Variants in LIAS observed in about 807,000 individuals in gnomAD.
LIAS encodes the protein lipoyl synthase, mitochondrial.
LIAS carries 36 observed loss-of-function variants against 49.4 expected under a neutral mutation model. The observed-to-expected ratio is 0.73, with a 90% confidence interval of 0.56 to 0.96. The LOEUF is 0.96. Ranked by LOEUF, LIAS falls within the 40% of genes least tolerant of loss-of-function variation. LIAS has a pLI of 0.00. For synonymous variants in LIAS, 145 were observed against 155.8 expected (o/e 0.93, Z 0.52); for missense variants, 399 against 456.3 (o/e 0.87, Z 1.14).
intron 10 of LIAS, 163 bp downstream of exon 10, chr4:39,473,374 G>T: frequency 2.2e-6 from 1 of 464,666 alleles, no homozygotes; most frequent in Non-Finnish European, 3.8e-6. Flanking sequence ...TGCTCCATGG[G>T]GATCATATTA....
intron 10 of LIAS, 91 bp from the exon 11 acceptor site, chr4:39,476,972 G>T (rs796932705): frequency 1.1e-5 from 9 of 840,548 alleles, no homozygotes; most frequent in African/African-American, 1.1e-4. Flanking sequence ...CTTCTTTAAA[G>T]GGGGAACACC....
rs1436249668 is a variant in LIAS, at chr4:39,477,942, A to G, written c.*827A>G. On this transcript the variant is annotated 3_prime_UTR_variant, in exon 11 of 11. Coordinates refer to ENST00000640888, the MANE Select transcript of LIAS (RefSeq NM_006859.4). ...AGCTGAGGTGGTGCCACTGCTCTCC[A>G]GCCTGGGCGCTACAACTGCTCTCCA... 6.6e-6 allele frequency: 1 copy of G among 152,182 alleles called. No individual in the cohort carries two copies. The highest frequency in any genetic ancestry group is 6.5e-5 in the Admixed American group (1 of 15,268). The allele number at this position is 152,182 out of a possible 1,614,324, so 9.4% of individuals were successfully genotyped here.
intron 7 of LIAS, 52 bp from the exon 8 acceptor site, chr4:39,469,967 G>A: frequency 1.9e-6 from 3 of 1,565,694 alleles, no homozygotes; most frequent in South Asian, 2.3e-5. Context: ...GCATAACTAT[G>A]TACTTGGTTG....
intron 1 of LIAS, 28 bp from the exon 2 acceptor site, chr4:39,460,762 T>A: frequency 6.5e-7 from 1 of 1,532,056 alleles, no homozygotes; most frequent in Non-Finnish European, 8.8e-7. Flanking sequence ...CTCCACTAAA[T>A]AAACGTCATA....
intron 7 of LIAS, chr4:39,468,268 T>C (rs1378643211): frequency 1.3e-5 from 2 of 151,500 alleles, no homozygotes; most frequent in Admixed American, 1.3e-4. Flanking sequence ...TTACCTGAGG[T>C]TGGGAGTTCG....
chr4:39,471,342 T>A (rs2109884885), intron 9 of LIAS, 36 bp downstream of exon 9: 6 of 1,443,426 alleles, frequency 4.2e-6, no homozygotes, highest in Non-Finnish European at 5.7e-6. Flanking sequence ...TTTTTTTTTT[T>A]TATTTTTAAA....
intron 4 of LIAS, 134 bp from the exon 5 acceptor site, chr4:39,464,912 G>T: frequency 4.8e-6 from 3 of 621,088 alleles, no homozygotes; most frequent in South Asian, 2.3e-5. Flanking sequence ...CTATCATTTA[G>T]TTTTGAATGT....
At chr4:39,475,624 G>A (rs1371877230) in intron 10 of LIAS, 1 of 152,348 alleles carries the variant, frequency 6.6e-6, no homozygotes, top group Non-Finnish European at 1.5e-5. Flanking sequence ...AGCACTTTGG[G>A]AGGCCGAGGC....
intron 2 of LIAS, 127 bp from the exon 3 acceptor site, chr4:39,462,069 A>T (rs1744527273): frequency 2.5e-6 from 1 of 402,030 alleles, no homozygotes; most frequent in South Asian, 5.7e-5. Context: ...CAGAAATTAT[A>T]AGAGTTATTC....
Position 39,460,837 on chromosome 4 carries a change from G to A in LIAS, c.93G>A (p.Leu31=). 6.2e-7 allele frequency: 1 copy of A among 1,605,374 alleles called. No individual in the cohort carries two copies. Among genetic ancestry groups the A allele is most frequent in the Non-Finnish European group, 8.5e-7 (1 of 1,177,338 alleles). ...FCSPVRPLSS[L]PDKKKELLQN... ...GCCCAGTCAGACCGTTAAGCTCCTTGCCAGATAAAAAAAAGGAACTCCTAC... is the reference window on the plus strand; with the variant it reads ...GCCCAGTCAGACCGTTAAGCTCCTTACCAGATAAAAAAAAGGAACTCCTAC... The change falls in exon 2 of 11, where the codon TTG becomes TTA. Residue 31 remains leucine (L), a synonymous_variant. Coordinates refer to ENST00000640888, the MANE Select transcript of LIAS (RefSeq NM_006859.4).
At position 39,460,952 on chromosome 4, in the gene LIAS, A is replaced by G; in HGVS notation, c.208A>G (p.Lys70Glu). 6.3e-7 allele frequency: 1 copy of G among 1,586,450 alleles called. No individual in the cohort carries two copies. The highest frequency in any genetic ancestry group is 8.5e-7 in the Non-Finnish European group (1 of 1,170,474). Residue 70 changes from lysine to glutamate, a missense_variant, in exon 2 of 11, where the codon AAA becomes GAA. Transcript: ENST00000640888. ...ATATAAAGGAAACCTAAAACGCCAG[A>G]AAGGAGAAAGGTAATTGAAAATTTG... Reference protein sequence around the residue: ...DEYKGNLKRQKGERLRLPPWL... With the variant: ...DEYKGNLKRQEGERLRLPPWL...
intron 4 of LIAS, among the ~76,000 whole-genome samples, chr4:39,464,470 A>G (rs1744680041): frequency 6.6e-6 from 1 of 152,112 alleles, no homozygotes; most frequent in South Asian, 2.1e-4. Flanking sequence ...CCTAAACTGT[A>G]TATTAGAATC....
chr4:39,468,148 A>T (rs1050258438), intron 7 of LIAS: 1 of 152,102 alleles, frequency 6.6e-6, no homozygotes, highest in Non-Finnish European at 1.5e-5. Flanking sequence ...ATTACACTAG[A>T]GCAATTGCTT....
chr4:39,477,029 T>C, intron 10 of LIAS, 34 bp from the exon 11 acceptor site: 1 of 1,340,408 alleles, frequency 7.5e-7, no homozygotes, highest in Non-Finnish European at 1.0e-6. Flanking sequence ...TTACTTTAAA[T>C]TGATATTAAT....
rs1744541148 is a variant in LIAS at position 39,462,248 on chromosome 4, A to C, written c.271A>C (p.Asn91His). Reference protein sequence around the residue: ...KTEIPMGKNYNKLKNTLRNLN... With the variant: ...KTEIPMGKNYHKLKNTLRNLN... ...AGAGATTCCCATGGGGAAAAATTAC[A>C]ATAAACTGAAAAATACTTTGCGGAA... is the stretch of plus-strand genomic sequence containing the variant. Residue 91 changes from asparagine to histidine, a missense_variant, in exon 3 of 11, where the codon AAT becomes CAT. Physicochemically the swap from Asn to His is moderately conservative, Grantham distance 68. Coordinates refer to ENST00000640888, the MANE Select transcript of LIAS (RefSeq NM_006859.4). The C allele has an allele frequency of 6.4e-7, 1 of 1,568,866 alleles. No homozygotes were observed. The highest frequency in any genetic ancestry group is 1.4e-5 in the African/African-American group (1 of 72,066).
intron 6 of LIAS, chr4:39,466,149 A>G (rs1560668706): frequency 6.7e-6 from 1 of 149,274 alleles, no homozygotes; most frequent in East Asian, 2.0e-4. Context: ...ATGTTTTTAC[A>G]TTTTTTTTTA....
At chr4:39,471,191 C>A in intron 8 of LIAS, 45 bp from the exon 9 acceptor site, 1 of 1,395,016 alleles carries the variant, frequency 7.2e-7, no homozygotes, top group South Asian at 1.2e-5. Flanking sequence ...CTTAGATCTA[C>A]AATTAAAGTA....
At chr4:39,472,199 G>A (rs4518258) in intron 9 of LIAS, among the ~76,000 whole-genome samples, 149,789 of 152,150 alleles carry the variant, frequency 0.98, 73,772 homozygotes, top group Middle Eastern at 1. Context: ...AAAATTTTTT[G>A]AAGAAAATCA....
intron 9 of LIAS, among the ~76,000 whole-genome samples, chr4:39,472,198 T>C (rs1005596266): frequency 1.3e-5 from 2 of 151,986 alleles, no homozygotes; most frequent in African/African-American, 4.8e-5. Flanking sequence ...AAAAATTTTT[T>C]GAAGAAAATC....
Sources: gnomAD v4.1 joint callset for allele counts (sites outside exome capture counted in the v4.1 genomes callset) on GRCh38, gnomAD v4.1.1 for gene constraint, MANE v1.5 for transcripts, NCBI Gene and HGNC (gene_info 2026-07-23, HGNC 2026-07-21) for gene names.